The following ATP9B variants were observed in gnomAD, a reference collection of about 807,000 sequenced individuals.
ATP9B encodes probable phospholipid-transporting ATPase IIB.
In ATP9B, 110 loss-of-function variants were observed where a neutral mutation model predicts 146.1. The observed-to-expected ratio is 0.75, with a 90% CI of 0.65 to 0.88. ATP9B has a LOEUF of 0.88. ATP9B is among the 40% of genes least tolerant of loss of function. The pLI is 0.00. For missense variants in ATP9B, 1,499 were observed against 1,496.4 expected, an observed-to-expected ratio of 1.00 and a Z score of -0.03; for synonymous variants, 604 against 569.7, an observed-to-expected ratio of 1.06 and a Z score of -0.86.
intron 25 of ATP9B, chr18:79,353,207 G>A: frequency 6.6e-6 from 1 of 152,386 alleles, no homozygotes; most frequent in Non-Finnish European, 1.5e-5. Context: ...CAGGCTGGCA[G>A]TTTTTATGAA....
intron 4 of ATP9B, among the ~76,000 whole-genome samples, chr18:79,120,677 G>A (rs1050158232): frequency 1.3e-5 from 2 of 152,170 alleles, no homozygotes. Context: ...CAAAATGAAC[G>A]AGATGGAATA....
chr18:79,332,229 A>T (rs906763010), intron 17 of ATP9B, among the ~76,000 whole-genome samples: 2 of 152,136 alleles, frequency 1.3e-5, no homozygotes, highest in South Asian at 2.1e-4. Flanking sequence ...GGAGATTGAG[A>T]CCCTCCTGGC....
chr18:79,264,693 G>A (rs1050760808), intron 12 of ATP9B, among the ~76,000 whole-genome samples: 4 of 146,788 alleles, frequency 2.7e-5, no homozygotes, highest in East Asian at 2.0e-4. Context: ...TGATATATAT[G>A]GTGTGAAGTA....
chr18:79,146,444 G>A (rs1458027702), intron 6 of ATP9B: 1 of 138,664 alleles, frequency 7.2e-6, no homozygotes, highest in Non-Finnish European at 1.4e-5. Context: ...GAGAGTGACC[G>A]AAGGTGCAGG....
At chr18:79,114,704 A>G (rs1050202501) in intron 4 of ATP9B, among the ~76,000 whole-genome samples, 1 of 152,204 alleles carries the variant, frequency 6.6e-6, no homozygotes, top group African/African-American at 2.4e-5. Context: ...TAAATTAGTA[A>G]GATTGAAAGA....
At chr18:79,086,045 G>A (rs775626681) in intron 1 of ATP9B, 5 of 149,644 alleles carry the variant, frequency 3.3e-5, no homozygotes, top group East Asian at 2.0e-4. Context: ...TTTTTAAGGC[G>A]TAGTACTAAT....
At chr18:79,113,442 C>T in intron 4 of ATP9B, 88 bp downstream of exon 4, 1 of 855,306 alleles carries the variant, frequency 1.2e-6, no homozygotes, top group Non-Finnish European at 1.8e-6. Flanking sequence ...TTAAATTGAC[C>T]AGATTTTTAA....
intron 11 of ATP9B, among the ~76,000 whole-genome samples, chr18:79,247,038 C>T (rs1568487483): frequency 6.6e-6 from 1 of 152,208 alleles, no homozygotes; most frequent in Non-Finnish European, 1.5e-5. Context: ...CATGTTATCA[C>T]ATGCATATTT....
intron 8 of ATP9B, among the ~76,000 whole-genome samples, chr18:79,184,976 T>G (rs1370833473): frequency 1.7e-5 from 2 of 120,082 alleles, no homozygotes; most frequent in East Asian, 3.0e-4. Context: ...TAGAAAAAAT[T>G]TGTCTGAAAA....
intron 29 of ATP9B, chr18:79,375,648 A>C: frequency 1.0e-6 from 1 of 985,438 alleles, no homozygotes; most frequent in South Asian, 4.7e-5. Context: ...AGTGAGGGGA[A>C]GGGGCCGGGC....
chr18:79,110,331 A>T lies in ATP9B; in HGVS notation c.294-24A>T, dbSNP rs199747413. On this transcript the variant is annotated intron_variant, in intron 2 of 29. Transcript: ENST00000426216. ...TTTAAAAAGCAAAAAAAAATACACA[A>T]TACGTATCTTTTGTTTCATACAGTT... 2.6e-6 allele frequency: 4 copies of T among 1,543,808 alleles called. No individual in the cohort carries two copies. The East Asian group carries it at 9.2e-5, about 36-fold the overall frequency.
intron 19 of ATP9B, among the ~76,000 whole-genome samples, chr18:79,337,992 G>C (rs1208477762): frequency 6.6e-6 from 1 of 152,138 alleles, no homozygotes; most frequent in South Asian, 2.1e-4. Context: ...CCATTGTGAC[G>C]GCACGTGTTC....
At chr18:79,142,789 A>G (rs1188221376) in intron 5 of ATP9B, among the ~76,000 whole-genome samples, 1 of 152,240 alleles carries the variant, frequency 6.6e-6, no homozygotes, top group African/African-American at 2.4e-5. Flanking sequence ...TGATATATCC[A>G]AATCTTTAGG....
intron 4 of ATP9B, chr18:79,115,365 A>G (rs1374189496): frequency 7.5e-6 from 1 of 133,160 alleles, no homozygotes; most frequent in Non-Finnish European, 1.6e-5. Context: ...TTACAGATTC[A>G]ATGCCATCCC....
intron 11 of ATP9B, among the ~76,000 whole-genome samples, chr18:79,246,946 T>C (rs1228765603): frequency 6.6e-6 from 1 of 152,236 alleles, no homozygotes; most frequent in Non-Finnish European, 1.5e-5. Context: ...AGGCTTATCT[T>C]AATATTCAGT....
intron 25 of ATP9B, chr18:79,353,267 A>C: frequency 6.6e-6 from 1 of 152,256 alleles, no homozygotes; most frequent in African/African-American, 2.4e-5. Context: ...CTCAGTGTTC[A>C]CCCAGGAAAA....
At chr18:79,110,569 G>T in intron 3 of ATP9B, 64 bp downstream of exon 3, 1 of 1,491,872 alleles carries the variant, frequency 6.7e-7, no homozygotes. Flanking sequence ...CTTTGCTATA[G>T]GATGGAGCCT....
intron 26 of ATP9B, among the ~76,000 whole-genome samples, chr18:79,368,267 C>G (rs1436821171): frequency 6.6e-6 from 1 of 152,248 alleles, no homozygotes; most frequent in African/African-American, 2.4e-5. Flanking sequence ...GGGCATGGCG[C>G]CAGGTGCCTG....
intron 11 of ATP9B, among the ~76,000 whole-genome samples, chr18:79,248,132 T>C (rs2095986935): frequency 6.6e-6 from 1 of 152,250 alleles, no homozygotes; most frequent in Non-Finnish European, 1.5e-5. Flanking sequence ...GCCACATCTA[T>C]AGTGTGCGGT....
Sources: gnomAD v4.1 joint callset for allele counts (sites outside exome capture counted in the v4.1 genomes callset) on GRCh38, gnomAD v4.1.1 for gene constraint, MANE v1.5 for transcripts, NCBI Gene and HGNC (gene_info 2026-07-23, HGNC 2026-07-21) for gene names.